Variants in KITLG observed in about 807,000 individuals in gnomAD.
KITLG encodes KIT ligand.
Under a neutral mutation model 34.1 loss-of-function variants are expected in KITLG, and 13 were observed. That is an observed-to-expected ratio of 0.38 (90% CI 0.25 to 0.61). KITLG has a LOEUF of 0.61. Among genes scored for constraint, KITLG ranks in the 20% least tolerant of loss-of-function variants. The pLI is 0.60. For missense variants in KITLG, 292 were observed against 318.9 expected, an observed-to-expected ratio of 0.92 and a Z score of 0.64; for synonymous variants, 110 against 104.0, an observed-to-expected ratio of 1.06 and a Z score of -0.35.
At position 88,497,143 on chromosome 12, in the gene KITLG, G is replaced by A. The variant is rs1228800974; in HGVS notation, c.*76C>T. The A allele has an allele frequency of 2.2e-6, 1 of 448,412 alleles. No individual in the cohort carries two copies. The highest frequency in any genetic ancestry group is 2.4e-5 in the Admixed American group (1 of 41,718). The allele number at this position is 448,412 out of a possible 1,614,324, so 27.8% of individuals were successfully genotyped here. ...CAGACAGAATATGAATTTGTTTAAA[G>A]CTGCTTCATTTATGAAGCAAACATG... is the stretch of plus-strand genomic sequence containing the variant. On this transcript the variant is annotated 3_prime_UTR_variant, in exon 10 of 10. Coordinates refer to ENST00000644744, the MANE Select transcript of KITLG (RefSeq NM_000899.5).
chr12:88,565,603 G>A (rs1871418345), intron 1 of KITLG, among the ~76,000 whole-genome samples: 1 of 152,130 alleles, frequency 6.6e-6, no homozygotes, highest in Admixed American at 6.5e-5. Flanking sequence ...CCAGCCTGGT[G>A]ACAGAGCGAG....
intron 3 of KITLG, among the ~76,000 whole-genome samples, chr12:88,524,387 T>C (rs1309399321): frequency 1.3e-5 from 2 of 152,312 alleles, no homozygotes; most frequent in Non-Finnish European, 2.9e-5. Flanking sequence ...AATCTAAATA[T>C]GGAATAACTA....
At chr12:88,542,295 C>T (rs900079736) in intron 2 of KITLG, among the ~76,000 whole-genome samples, 1 of 152,106 alleles carries the variant, frequency 6.6e-6, no homozygotes, top group Non-Finnish European at 1.5e-5. Context: ...GAAGGCAGCA[C>T]AATTCTGAGC....
At chr12:88,546,573 A>G (rs1450432246) in intron 1 of KITLG, among the ~76,000 whole-genome samples, 4 of 152,180 alleles carry the variant, frequency 2.6e-5, no homozygotes, top group Non-Finnish European at 5.9e-5. Flanking sequence ...GCTTTTATGC[A>G]TGACTTATTT....
At chr12:88,512,728 C>T (rs1869321635) in intron 6 of KITLG, among the ~76,000 whole-genome samples, 1 of 151,076 alleles carries the variant, frequency 6.6e-6, no homozygotes, top group South Asian at 2.1e-4. Flanking sequence ...TGCAGGAATA[C>T]TATAGTGATA....
chr12:88,559,123 GTTGA>G, intron 1 of KITLG, among the ~76,000 whole-genome samples: 1 of 152,190 alleles, frequency 6.6e-6, no homozygotes, highest in Non-Finnish European at 1.5e-5. Context: ...ACAGAATACT[GTTGA>G]TTGTCTCTTT....
At chr12:88,540,579 C>A (rs953968001) in intron 2 of KITLG, among the ~76,000 whole-genome samples, 3 of 152,020 alleles carry the variant, frequency 2.0e-5, no homozygotes, top group Non-Finnish European at 2.9e-5. Context: ...GTGGGAGGAT[C>A]TCTTGGGGCC....
chr12:88,503,347 A>G (rs537447477), intron 9 of KITLG, among the ~76,000 whole-genome samples: 1 of 152,360 alleles, frequency 6.6e-6, no homozygotes, highest in South Asian at 2.1e-4. Context: ...TGAACCTGGG[A>G]CAGGAGTTAA....
In KITLG at chr12:88,518,861, G is replaced by T; in HGVS notation, c.199C>A (p.His67Asn). 6.2e-7 allele frequency: 1 copy of T among 1,613,242 alleles called. No individual in the cohort carries two copies. Among genetic ancestry groups the T allele is most frequent in the South Asian group, 1.1e-5 (1 of 91,062 alleles). Residue 67 changes from histidine to asparagine, a missense_variant, in exon 4 of 10, where the codon CAT becomes AAT. Physicochemically the swap from His to Asn is moderately conservative, Grantham distance 68 (BLOSUM62 1). Coordinates refer to ENST00000644744, the MANE Select transcript of KITLG (RefSeq NM_000899.5). ...YVPGMDVLPS[H>N]CWISEMVVQL... ...ACTACCATCTCGCTTATCCAACAAT[G>T]ACTTGGCTGCAAGATATGAAAAAAG...
At chr12:88,530,743 T>C (rs1450259559) in intron 3 of KITLG, among the ~76,000 whole-genome samples, 1 of 152,126 alleles carries the variant, frequency 6.6e-6, no homozygotes, top group East Asian at 1.9e-4. Context: ...TGAGGATAAA[T>C]GGTTCAACAT....
At chr12:88,539,869 G>A (rs867631061) in intron 2 of KITLG, among the ~76,000 whole-genome samples, 1 of 152,036 alleles carries the variant, frequency 6.6e-6, no homozygotes, top group African/African-American at 2.4e-5. Flanking sequence ...AGGCTCCAGT[G>A]AGCCATGATT....
chr12:88,528,132 A>C (rs1869947834), intron 3 of KITLG, among the ~76,000 whole-genome samples: 1 of 152,222 alleles, frequency 6.6e-6, no homozygotes, highest in South Asian at 2.1e-4. Flanking sequence ...GGATGCTGTA[A>C]AGGAAAAATC....
intron 9 of KITLG, among the ~76,000 whole-genome samples, chr12:88,499,197 A>AT (rs1259375919): frequency 6.6e-6 from 1 of 152,132 alleles, no homozygotes; most frequent in Non-Finnish European, 1.5e-5. Context: ...TCCAAGCCTA[A>AT]TCCTTTCTAA....
intron 9 of KITLG, 29 bp downstream of exon 9, chr12:88,505,128 GAA>G: frequency 8.6e-7 from 1 of 1,158,698 alleles, no homozygotes; most frequent in Non-Finnish European, 1.3e-6. Flanking sequence ...ATAAAAAAAA[GAA>G]AAAAAAAGGA....
At chr12:88,503,599 T>C (rs573427890) in intron 9 of KITLG, among the ~76,000 whole-genome samples, 14 of 152,234 alleles carry the variant, frequency 9.2e-5, no homozygotes, top group Non-Finnish European at 1.8e-4. Flanking sequence ...TCAATACTGA[T>C]TAAGTTAATG....
At chr12:88,506,880 C>G (rs969963143) in intron 7 of KITLG, 148 bp downstream of exon 7, 1 of 613,722 alleles carries the variant, frequency 1.6e-6, no homozygotes, top group Non-Finnish European at 2.9e-6. Flanking sequence ...TAATGAGAAA[C>G]AGGAAACTTT....
chr12:88,580,129 G>A lies in KITLG; in HGVS notation c.15+135C>T. 7.4e-6 allele frequency: 7 copies of A among 943,168 alleles called. No individual in the cohort carries two copies. The South Asian group carries it at 8.6e-5, about 12-fold the overall frequency. The allele number at this position is 943,168 out of a possible 1,614,324, so 58.4% of individuals were successfully genotyped here. A position where few individuals can be genotyped will look rare whatever the true frequency, so the allele number is the denominator to read the frequency against. On this transcript the variant is annotated intron_variant, in intron 1 of 9. Transcript: ENST00000644744. ...ATCACACACCACGCCGGCCTCCCCC[G>A]CATCCTCTTGTCTCACCCGGCAGGC...
At chr12:88,551,623 C>T (rs751601945) in intron 1 of KITLG, among the ~76,000 whole-genome samples, 5 of 152,078 alleles carry the variant, frequency 3.3e-5, no homozygotes, top group African/African-American at 4.8e-5. Context: ...TCCTGTTTCC[C>T]CCAGATTGTC....
chr12:88,540,036 A>C (rs1870467829), intron 2 of KITLG, among the ~76,000 whole-genome samples: 1 of 152,150 alleles, frequency 6.6e-6, no homozygotes, highest in Non-Finnish European at 1.5e-5. Flanking sequence ...GAGATTATAA[A>C]CTACAATATT....
Sources: gnomAD v4.1 joint callset for allele counts (sites outside exome capture counted in the v4.1 genomes callset) on GRCh38, gnomAD v4.1.1 for gene constraint, MANE v1.5 for transcripts, NCBI Gene and HGNC (gene_info 2026-07-23, HGNC 2026-07-21) for gene names.